The following SLC4A7 variants were observed in gnomAD, a reference collection of about 807,000 sequenced individuals.
SLC4A7 encodes sodium bicarbonate cotransporter 3.
SLC4A7 carries 51 observed loss-of-function variants against 137.6 expected under a neutral mutation model. The observed-to-expected ratio is 0.37, with a 90% CI of 0.30 to 0.47. The LOEUF is 0.47. Ranked by LOEUF, SLC4A7 falls within the 20% of genes least tolerant of loss-of-function variation. SLC4A7 has a pLI of 1.00. For synonymous variants in SLC4A7, 542 were observed against 518.6 expected (o/e 1.05, Z -0.61); for missense variants, 1,247 against 1,525.4 (o/e 0.82, Z 3.04).
chr3:27,454,896 C>T (rs2058307070), intron 1 of SLC4A7, among the ~76,000 whole-genome samples: 1 of 151,968 alleles, frequency 6.6e-6, no homozygotes, highest in African/African-American at 2.4e-5. Context: ...GTTATATAAT[C>T]TCACAATACT....
chr3:27,412,139 C>T (rs2053962187), intron 11 of SLC4A7, among the ~76,000 whole-genome samples: 1 of 152,154 alleles, frequency 6.6e-6, no homozygotes. Context: ...TTACGCTTTA[C>T]ATTAAGAGAA....
At chr3:27,467,518 G>T (rs546227242) in intron 1 of SLC4A7, among the ~76,000 whole-genome samples, 1 of 152,140 alleles carries the variant, frequency 6.6e-6, no homozygotes, top group Non-Finnish European at 1.5e-5. Context: ...AAACATGAAG[G>T]TTTTAATTTA....
chr3:27,419,188 T>C (rs2054686132), intron 10 of SLC4A7, among the ~76,000 whole-genome samples: 1 of 151,922 alleles, frequency 6.6e-6, no homozygotes, highest in South Asian at 2.1e-4. Context: ...TAATTATAGG[T>C]ATTGATAGAC....
chr3:27,453,251 ACTT>A (rs1310208264), intron 1 of SLC4A7, among the ~76,000 whole-genome samples: 1 of 152,166 alleles, frequency 6.6e-6, no homozygotes, highest in African/African-American at 2.4e-5. Context: ...ATCATTAACT[ACTT>A]ATTATTAACT....
intron 6 of SLC4A7, among the ~76,000 whole-genome samples, chr3:27,432,515 TAA>T (rs2056396267): frequency 6.6e-6 from 1 of 152,208 alleles, no homozygotes; most frequent in Non-Finnish European, 1.5e-5. Flanking sequence ...ATATTTGTAC[TAA>T]GTGTATCTTA....
rs1559611447 is a variant in SLC4A7 at position 27,379,243 on chromosome 3, A to C, written c.3698+6T>G. The C allele has an allele frequency of 6.8e-7, 1 of 1,469,926 alleles. No homozygotes were observed. The highest frequency in any genetic ancestry group is 2.0e-5 in the Admixed American group (1 of 50,932). The allele number at this position is 1,469,926 out of a possible 1,614,324, so 91.1% of individuals were successfully genotyped here. A position where few individuals can be genotyped will look rare whatever the true frequency, so the allele number is the denominator to read the frequency against. On this transcript the variant is annotated splice_donor_region_variant and intron_variant, in intron 25 of 25. Transcript: ENST00000454389. ...AGTTAGAAAACACACAAATAGTTAT[A>C]ACTACCTCATGTTAGATCTGGTTAC...
At position 27,374,684 on chromosome 3, in the gene SLC4A7, T is replaced by G. The variant is rs1334569284; in HGVS notation, c.*2080A>C. 6.6e-6 allele frequency: 1 copy of G among 152,504 alleles called. No individual in the cohort carries two copies. The highest frequency in any genetic ancestry group is 1.5e-5 in the Non-Finnish European group (1 of 67,904). 9.4% of individuals were successfully genotyped at this position (152,504 alleles called of 1,614,324 possible). A position where few individuals can be genotyped will look rare whatever the true frequency, so the allele number is the denominator to read the frequency against. Reference sequence around the variant, plus strand: ...GGTTTTTCTGGCACTGGATAATTACTATACACAATTAAATAAAATCACAGA... The same window carrying G: ...GGTTTTTCTGGCACTGGATAATTACGATACACAATTAAATAAAATCACAGA... On this transcript the variant is annotated 3_prime_UTR_variant, in exon 26 of 26. Coordinates refer to ENST00000454389, the MANE Select transcript of SLC4A7 (RefSeq NM_001321103.2).
chr3:27,484,038 G>A (rs1216353211), intron 1 of SLC4A7, 29 bp downstream of exon 1: 1 of 1,383,692 alleles, frequency 7.2e-7, no homozygotes, highest in Admixed American at 2.8e-5. Flanking sequence ...TCCCCCTGCG[G>A]AGGAGCCCCA....
At chr3:27,437,167 T>G (rs1483775112) in intron 4 of SLC4A7, among the ~76,000 whole-genome samples, 1 of 151,878 alleles carries the variant, frequency 6.6e-6, no homozygotes, top group Non-Finnish European at 1.5e-5. Flanking sequence ...CCTCGCCAAC[T>G]TGGTGAAACC....
In SLC4A7 at chr3:27,437,401, T is replaced by G. The variant is rs200958413; in HGVS notation, c.415A>C (p.Lys139Gln). 1 of 1,581,512 alleles carries G rather than the reference T, an allele frequency of 6.3e-7. No homozygotes were observed. Among genetic ancestry groups the G allele is most frequent in the Admixed American group, 1.9e-5 (1 of 53,002 alleles). Residue 139 changes from lysine (K) to glutamine (Q), a missense_variant, in exon 4 of 26, where the codon AAA (lysine) becomes CAA (glutamine). By Grantham distance (53) the Lys-to-Gln change is moderately conservative. Around this residue, in one of 6 missense-constraint regions of SLC4A7, gnomAD observed 176 missense variants for 186.4 expected, o/e 0.94. Coordinates refer to ENST00000454389, the MANE Select transcript of SLC4A7 (RefSeq NM_001321103.2). ...TAGCAGTATTACCTAGCAGTTTCTT[T>G]CCATTCATATTCTTCTCCATCTCTG... ...CYRDGEEYEWKETARWLKFEE... is the reference protein window; with the variant it reads ...CYRDGEEYEWQETARWLKFEE...
chr3:27,483,403 C>A (rs2059798835), intron 1 of SLC4A7, among the ~76,000 whole-genome samples: 2 of 152,180 alleles, frequency 1.3e-5, no homozygotes, highest in Admixed American at 6.5e-5. Context: ...ACTTGGCCTG[C>A]GGCAGGAGGA....
chr3:27,470,754 AAC>A (rs1165072982), intron 1 of SLC4A7, among the ~76,000 whole-genome samples: 1 of 152,000 alleles, frequency 6.6e-6, no homozygotes, highest in Non-Finnish European at 1.5e-5. Flanking sequence ...CATCCTGGCT[AAC>A]ACAGTGAAAC....
chr3:27,427,571 T>G (rs2055775289), intron 7 of SLC4A7, among the ~76,000 whole-genome samples: 1 of 152,230 alleles, frequency 6.6e-6, no homozygotes, highest in South Asian at 2.1e-4. Context: ...AAATTATGAC[T>G]CTATGACACA....
intron 7 of SLC4A7, 126 bp downstream of exon 7, chr3:27,431,172 G>A (rs2056239735): frequency 1.0e-6 from 1 of 1,004,388 alleles, no homozygotes; most frequent in Non-Finnish European, 1.4e-6. Context: ...AAAAAAACAT[G>A]CAGAAGTCAA....
intron 24 of SLC4A7, 23 bp downstream of exon 24, chr3:27,383,130 T>C: frequency 2.1e-6 from 3 of 1,411,872 alleles, no homozygotes; most frequent in South Asian, 2.4e-5. Context: ...ATAAAAGTTT[T>C]AGAGCATAAA....
intron 3 of SLC4A7, among the ~76,000 whole-genome samples, chr3:27,439,753 A>G (rs1176034910): frequency 6.6e-6 from 1 of 152,172 alleles, no homozygotes; most frequent in East Asian, 1.9e-4. Flanking sequence ...CTTCTAGTAC[A>G]GTGTTATATA....
At chr3:27,474,377 T>C (rs1179186563) in intron 1 of SLC4A7, among the ~76,000 whole-genome samples, 1 of 152,194 alleles carries the variant, frequency 6.6e-6, no homozygotes, top group Admixed American at 6.5e-5. Flanking sequence ...AGCTAGTTAG[T>C]GATCAGTACT....
At position 27,452,448 on chromosome 3, in the gene SLC4A7, C is replaced by T; in HGVS notation, c.111G>A (p.Val37=). Residue 37 remains valine (V), a synonymous_variant, in exon 2 of 26, where the codon GTG becomes GTA. Transcript: ENST00000454389. ...VVDLGKTSST[V]NTKFEKEELE... is the part of the protein sequence containing the mutation. ...GTTCTTCTTTTTCAAACTTGGTGTT[C>T]ACAGTTGAGCTAGTTTTGCCAAGAT... The T allele has an allele frequency of 6.2e-7, 1 of 1,604,500 alleles. No homozygotes were observed. The highest frequency in any genetic ancestry group is 8.5e-7 in the Non-Finnish European group (1 of 1,177,998).
At chr3:27,442,970 G>A (rs1389034095) in intron 3 of SLC4A7, among the ~76,000 whole-genome samples, 9 of 150,988 alleles carry the variant, frequency 6.0e-5, no homozygotes, top group African/African-American at 2.0e-4. Context: ...TTTTTACTTG[G>A]CTGTCTCACT....
Sources: gnomAD v4.1 joint callset for allele counts (sites outside exome capture counted in the v4.1 genomes callset) on GRCh38, gnomAD v4.1.1 for gene constraint, gnomAD v4.1.1 regional missense constraint, MANE v1.5 for transcripts, NCBI Gene and HGNC (gene_info 2026-07-23, HGNC 2026-07-21) for gene names.